STMP1: variants seen among roughly 807,000 people sequenced by gnomAD.
The protein encoded by STMP1 is mitolamban.
In STMP1, 7 loss-of-function variants were observed where a neutral mutation model predicts 7.0. The observed-to-expected ratio is 1.01, with a 90% CI of 0.57 to 1.89. The LOEUF (loss-of-function observed/expected upper bound fraction) is 1.89. Ranked by LOEUF, STMP1 falls within the 40% of genes most tolerant of loss-of-function variation. STMP1 has a pLI of 0.00. For synonymous variants in STMP1, 19 were observed against 18.4 expected (o/e 1.03, Z -0.08); for missense variants, 45 against 53.0 (o/e 0.85, Z 0.47).
chr7:135,662,525 G>A lies in STMP1; in HGVS notation c.-55G>A. 6.5e-7 allele frequency: 1 copy of A among 1,530,938 alleles called. No homozygotes were observed. The highest frequency in any genetic ancestry group is 8.8e-7 in the Non-Finnish European group (1 of 1,137,300). The allele number at this position is 1,530,938 out of a possible 1,614,324, so 94.8% of individuals were successfully genotyped here. A position where few individuals can be genotyped will look rare whatever the true frequency, so the allele number is the denominator to read the frequency against. On this transcript the variant is annotated 5_prime_UTR_variant, in exon 1 of 3. Transcript: ENST00000507606. ...GCGCATGGGGAGGTAGGCTCGGACC[G>A]GCCCGCGGAGCTGCTGCAGTCCTTC...
At position 135,675,969 on chromosome 7, in the gene STMP1, G is replaced by C. The variant is rs1327781717; in HGVS notation, c.*1804G>C. 2 of 139,684 alleles carry C rather than the reference G, an allele frequency of 1.4e-5. No homozygotes were observed. The highest frequency in any genetic ancestry group is 3.0e-5 in the Non-Finnish European group (2 of 65,920). The allele number at this position is 139,684 out of a possible 1,614,324, so 8.7% of individuals were successfully genotyped here. On this transcript the variant is annotated 3_prime_UTR_variant, in exon 3 of 3. Transcript: ENST00000507606. ...AGACAGAGTCTCACTCTGCTGCCCA[G>C]GCTGGAGTGCAGTGGCACAGTCTTG...
intron 2 of STMP1, 44 bp from the exon 3 acceptor site, chr7:135,674,047 A>G (rs1795384190): frequency 1.6e-6 from 2 of 1,235,752 alleles, no homozygotes; most frequent in South Asian, 1.4e-5. Flanking sequence ...AAGAATATTG[A>G]TTAGGTAGAT....
chr7:135,673,456 C>T (rs746382797), intron 2 of STMP1, among the ~76,000 whole-genome samples: 2 of 150,074 alleles, frequency 1.3e-5, no homozygotes, highest in Non-Finnish European at 2.9e-5. Flanking sequence ...CTTTGTCAAC[C>T]TTCGTTTGAG....
Position 135,674,242 on chromosome 7 carries a change from G to A in STMP1, c.*77G>A, listed in dbSNP as rs551119257. The A allele has an allele frequency of 3.1e-5, 36 of 1,173,800 alleles. No individual in the cohort carries two copies. In the African/African-American group the frequency reaches 5.3e-4, roughly 17 times the overall value. 72.7% of individuals were successfully genotyped at this position (1,173,800 alleles called of 1,614,324 possible). A position where few individuals can be genotyped will look rare whatever the true frequency, so the allele number is the denominator to read the frequency against. ...GCCTCGTTTACTATCTGAACCAAAA[G>A]CTTTTGTTTTCGTCTCCAGCCTCAG... On this transcript the variant is annotated 3_prime_UTR_variant, in exon 3 of 3. Transcript: ENST00000507606.
chr7:135,672,181 T>C (rs969725278), intron 1 of STMP1, among the ~76,000 whole-genome samples: 1 of 152,218 alleles, frequency 6.6e-6, no homozygotes, highest in African/African-American at 2.4e-5. Flanking sequence ...GGTTTCACCA[T>C]GTTGGCCAGG....
intron 1 of STMP1, chr7:135,665,455 T>TA (rs1795282083): frequency 1.3e-5 from 2 of 152,298 alleles, no homozygotes; most frequent in South Asian, 4.2e-4. Context: ...CCTTTATTAT[T>TA]ACTATTTTTA....
chr7:135,667,031 C>T (rs571074066), intron 1 of STMP1, among the ~76,000 whole-genome samples: 3 of 152,278 alleles, frequency 2.0e-5, no homozygotes, highest in African/African-American at 7.2e-5. Context: ...GCCAACATTT[C>T]GTGTAGCTCT....
At chr7:135,670,938 G>T (rs1413489447) in intron 1 of STMP1, among the ~76,000 whole-genome samples, 1 of 152,192 alleles carries the variant, frequency 6.6e-6, no homozygotes, top group Non-Finnish European at 1.5e-5. Flanking sequence ...GATAGTGGTG[G>T]AACCAGAACT....
intron 1 of STMP1, among the ~76,000 whole-genome samples, chr7:135,669,472 A>G (rs1795335821): frequency 6.6e-6 from 1 of 152,174 alleles, no homozygotes; most frequent in African/African-American, 2.4e-5. Flanking sequence ...CCTATTCATC[A>G]TATAAGTTCT....
chr7:135,666,626 G>A (rs1223407837), intron 1 of STMP1, among the ~76,000 whole-genome samples: 1 of 151,616 alleles, frequency 6.6e-6, no homozygotes, highest in South Asian at 2.1e-4. Flanking sequence ...ACAGGTGTGA[G>A]CCACTGTGCC....
At chr7:135,672,500 T>C (rs184775757) in intron 1 of STMP1, among the ~76,000 whole-genome samples, 89 of 152,280 alleles carry the variant, frequency 5.8e-4, no homozygotes, top group African/African-American at 2.0e-3. Context: ...TTTTTTGTTG[T>C]TTTATTTTTT....
intron 1 of STMP1, among the ~76,000 whole-genome samples, chr7:135,667,823 G>T (rs1336160740): frequency 6.7e-6 from 1 of 149,556 alleles, no homozygotes; most frequent in African/African-American, 2.5e-5. Context: ...TTGGTTACTT[G>T]TACTTTTGGT....
At chr7:135,672,714 T>C (rs913001539) in intron 1 of STMP1, 39 bp from the exon 2 acceptor site, 1 of 1,469,682 alleles carries the variant, frequency 6.8e-7, no homozygotes, top group African/African-American at 1.4e-5. Context: ...GGCACAGGAC[T>C]CGGCATGCAC....
chr7:135,672,918 G>A (rs1041390302), intron 2 of STMP1, 112 bp downstream of exon 2: 2 of 818,492 alleles, frequency 2.4e-6, no homozygotes, highest in Non-Finnish European at 4.0e-6. Context: ...ATATGGCTGA[G>A]GCAAAACTCC....
chr7:135,662,723 G>A (rs1012369532), intron 1 of STMP1, 129 bp downstream of exon 1: 3 of 1,117,860 alleles, frequency 2.7e-6, no homozygotes, highest in Non-Finnish European at 3.7e-6. Flanking sequence ...CGTCCCCCGC[G>A]CCTGGTCGTC....
chr7:135,669,101 G>T (rs2129493279), intron 1 of STMP1, among the ~76,000 whole-genome samples: 1 of 152,288 alleles, frequency 6.6e-6, no homozygotes, highest in South Asian at 2.1e-4. Context: ...AAAACCATCA[G>T]ATCTCATGAG....
chr7:135,671,702 C>T (rs76671283), intron 1 of STMP1, among the ~76,000 whole-genome samples: 5,979 of 152,214 alleles, frequency 0.039, 401 homozygotes, highest in African/African-American at 0.14. Context: ...TGTTTCCCAC[C>T]GGCCTTAAAT....
At chr7:135,673,630 G>A (rs1795378684) in intron 2 of STMP1, among the ~76,000 whole-genome samples, 1 of 152,170 alleles carries the variant, frequency 6.6e-6, no homozygotes, top group Non-Finnish European at 1.5e-5. Flanking sequence ...TTCACATGCA[G>A]TTATAAGGCT....
Position 135,674,201 on chromosome 7 carries a change from T to G in STMP1, c.*36T>G, listed in dbSNP as rs1194307721. Reference sequence around the variant, plus strand: ...AGCACTGCCTTCAGGATATACTGATTCTACTGCTCTTGAGGGCCTCGTTTA... The same window carrying G: ...AGCACTGCCTTCAGGATATACTGATGCTACTGCTCTTGAGGGCCTCGTTTA... On this transcript the variant is annotated 3_prime_UTR_variant, in exon 3 of 3. Coordinates refer to ENST00000507606, the MANE Select transcript of STMP1 (RefSeq NM_001130929.2). The G allele has an allele frequency of 2.1e-6, 3 of 1,454,512 alleles. No individual in the cohort carries two copies. The highest frequency in any genetic ancestry group is 1.3e-5 in the South Asian group (1 of 77,098). The allele number at this position is 1,454,512 out of a possible 1,614,324, so 90.1% of individuals were successfully genotyped here.
Sources: allele counts gnomAD v4.1 joint callset (sites outside exome capture counted in the v4.1 genomes callset), GRCh38; gene constraint gnomAD v4.1.1; transcripts MANE v1.5; gene names NCBI Gene and HGNC (gene_info 2026-07-23, HGNC 2026-07-21).